LARGE1: variants seen among roughly 807,000 people sequenced by gnomAD.
LARGE1 encodes the protein xylosyl- and glucuronyltransferase LARGE1.
LARGE1 carries 43 observed loss-of-function variants against 87.6 expected under a neutral mutation model. That is an observed-to-expected ratio of 0.49 (90% CI 0.38 to 0.63). The LOEUF (loss-of-function observed/expected upper bound fraction) is 0.63, where lower values mean the gene tolerates loss of function less well. Among genes scored for constraint, LARGE1 ranks in the 30% least tolerant of loss-of-function variants. The probability of loss-of-function intolerance (pLI) is 0.00; values close to 1 mark genes in which losing one functional copy is unlikely to be tolerated. For missense variants in LARGE1, 802 were observed against 1,000.2 expected, an observed-to-expected ratio of 0.80 and a Z score of 2.67; for synonymous variants, 434 against 394.6, an observed-to-expected ratio of 1.10 and a Z score of -1.18.
chr22:33,764,918 A>G (rs2084852402), intron 1 of LARGE1, among the ~76,000 whole-genome samples: 1 of 152,176 alleles, frequency 6.6e-6, no homozygotes, highest in South Asian at 2.1e-4. Context: ...AAGACTTTCA[A>G]TCACAGTTGG....
At chr22:33,826,015 AC>A (rs2062772247) in intron 1 of LARGE1, among the ~76,000 whole-genome samples, 1 of 152,060 alleles carries the variant, frequency 6.6e-6, no homozygotes, top group South Asian at 2.1e-4. Context: ...GGACAGAGAG[AC>A]CCGCTGTCCA....
At chr22:33,289,837 T>C (rs1276241706) in intron 12 of LARGE1, among the ~76,000 whole-genome samples, 1 of 152,142 alleles carries the variant, frequency 6.6e-6, no homozygotes, top group Non-Finnish European at 1.5e-5. Flanking sequence ...CCTCCTCTTC[T>C]GTATATCTTT....
chr22:33,547,291 T>C (rs2077387314), intron 6 of LARGE1, among the ~76,000 whole-genome samples: 1 of 152,054 alleles, frequency 6.6e-6, no homozygotes, highest in African/African-American at 2.4e-5. Flanking sequence ...TAATCAGGCA[T>C]TAGCTCGATT....
intron 1 of LARGE1, among the ~76,000 whole-genome samples, chr22:33,780,357 G>A (rs1265632034): frequency 6.6e-6 from 1 of 152,172 alleles, no homozygotes; most frequent in African/African-American, 2.4e-5. Flanking sequence ...AAAGACACAA[G>A]TAAACCACTG....
chr22:33,215,495 G>T (rs1422935840), intron 11 of LARGE1, among the ~76,000 whole-genome samples: 2 of 152,174 alleles, frequency 1.3e-5, no homozygotes, highest in African/African-American at 4.8e-5. Flanking sequence ...TGTAGAGAGA[G>T]AATATTTTAT....
chr22:33,238,561 G>C (rs767681870), intron 11 of LARGE1, among the ~76,000 whole-genome samples: 24 of 152,112 alleles, frequency 1.6e-4, no homozygotes, highest in Non-Finnish European at 3.4e-4. Context: ...TTGCTTTCTG[G>C]CTTATGTGAA....
chr22:33,248,657 C>A (rs1355703502), intron 11 of LARGE1, among the ~76,000 whole-genome samples: 2 of 152,160 alleles, frequency 1.3e-5, no homozygotes, highest in Admixed American at 1.3e-4. Context: ...GACATGTATC[C>A]ACCATTATAG....
chr22:33,139,603 T>C, the LARGE1 span, among the ~76,000 whole-genome samples: 1 of 152,236 alleles, frequency 6.6e-6, no homozygotes, highest in Admixed American at 6.5e-5. Context: ...AGTTCTTTGC[T>C]GTACTTTTTA....
chr22:33,527,352 G>C (rs1384763877), intron 6 of LARGE1, among the ~76,000 whole-genome samples: 1 of 152,228 alleles, frequency 6.6e-6, no homozygotes, highest in Non-Finnish European at 1.5e-5. Flanking sequence ...ATGGTTCTGA[G>C]GCAGGTGGTT....
chr22:33,412,509 A>AT (rs2066340304), intron 7 of LARGE1, among the ~76,000 whole-genome samples: 1 of 152,164 alleles, frequency 6.6e-6, no homozygotes, highest in South Asian at 2.1e-4. Context: ...TTCCCGCCAT[A>AT]CAGACATGGC....
At chr22:33,627,813 C>T (rs1359978064) in intron 3 of LARGE1, among the ~76,000 whole-genome samples, 14 of 152,186 alleles carry the variant, frequency 9.2e-5, no homozygotes, top group Admixed American at 9.2e-4. Context: ...AGAAACTTGA[C>T]CTTGGCTTCA....
intron 2 of LARGE1, among the ~76,000 whole-genome samples, chr22:33,709,979 GAA>G (rs5845106): frequency 0.14 from 12,584 of 88,660 alleles, 982 homozygotes; most frequent in African/African-American, 0.33. Context: ...TTGCTAGGCA[GAA>G]AAAAAAAAAA....
intron 1 of LARGE1, among the ~76,000 whole-genome samples, chr22:33,868,128 G>A (rs905239725): frequency 2.6e-5 from 4 of 152,112 alleles, no homozygotes; most frequent in African/African-American, 4.8e-5. Flanking sequence ...CAGCAACCTC[G>A]TCCATCTGCA....
chr22:33,117,578 C>G, the LARGE1 span, among the ~76,000 whole-genome samples: 1 of 151,854 alleles, frequency 6.6e-6, no homozygotes, highest in Non-Finnish European at 1.5e-5. Flanking sequence ...GAAAGAAAAT[C>G]GAAGTCATAA....
At chr22:33,700,230 C>T (rs147229655) in intron 2 of LARGE1, among the ~76,000 whole-genome samples, 2 of 152,290 alleles carry the variant, frequency 1.3e-5, no homozygotes, top group African/African-American at 4.8e-5. Context: ...CTAACTCAGA[C>T]ACTTGGGGAG....
At chr22:33,518,941 G>A (rs2071436223) in intron 6 of LARGE1, among the ~76,000 whole-genome samples, 1 of 152,074 alleles carries the variant, frequency 6.6e-6, no homozygotes, top group African/African-American at 2.4e-5. Context: ...TTCTGCCCCT[G>A]GATGTGTACA....
intron 11 of LARGE1, among the ~76,000 whole-genome samples, chr22:33,262,729 C>A (rs572836066): frequency 1.3e-5 from 2 of 152,096 alleles, no homozygotes; most frequent in Admixed American, 6.5e-5. Context: ...GCTCCCTCTG[C>A]AGACATCCTT....
intron 6 of LARGE1, among the ~76,000 whole-genome samples, chr22:33,475,084 G>T (rs961952674): frequency 9.2e-5 from 14 of 152,112 alleles, no homozygotes; most frequent in African/African-American, 3.4e-4. Flanking sequence ...TTGGGGACAG[G>T]GAATGGCATA....
At chr22:33,847,648 T>C (rs1322538295) in intron 1 of LARGE1, among the ~76,000 whole-genome samples, 1 of 152,218 alleles carries the variant, frequency 6.6e-6, no homozygotes, top group Non-Finnish European at 1.5e-5. Context: ...TGGTACGCTG[T>C]GAACTGACCT....
Sources: gnomAD v4.1 joint callset for allele counts (sites outside exome capture counted in the v4.1 genomes callset) on GRCh38, gnomAD v4.1.1 for gene constraint, MANE v1.5 for transcripts, NCBI Gene and HGNC (gene_info 2026-07-23, HGNC 2026-07-21) for gene names.